NDST4: variants seen among roughly 807,000 people sequenced by gnomAD.
The protein encoded by NDST4 is N-deacetylase and N-sulfotransferase 4, also known as N-heparan sulfate sulfotransferase 4.
In NDST4, 63 loss-of-function variants were observed where a neutral mutation model predicts 100.8. The observed-to-expected ratio is 0.62, with a 90% CI of 0.51 to 0.77. The LOEUF is 0.77. Ranked by LOEUF, NDST4 falls within the 30% of genes least tolerant of loss-of-function variation. NDST4 has a pLI of 0.00. For synonymous variants in NDST4, 377 were observed against 361.8 expected (o/e 1.04, Z -0.48); for missense variants, 943 against 1,018.4 (o/e 0.93, Z 1.01).
At chr4:114,940,991 A>G (rs951529801) in intron 4 of NDST4, among the ~76,000 whole-genome samples, 31 of 152,104 alleles carry the variant, frequency 2.0e-4, no homozygotes, top group African/African-American at 7.0e-4. Context: ...CCAAAAAGCA[A>G]CATTCAAGTG....
intron 2 of NDST4, among the ~76,000 whole-genome samples, chr4:115,018,461 A>T: frequency 6.6e-6 from 1 of 151,902 alleles, no homozygotes; most frequent in Non-Finnish European, 1.5e-5. Flanking sequence ...TTTTCTTTGC[A>T]AACAATCTTA....
chr4:115,039,662 T>C (rs1363624788), intron 2 of NDST4, among the ~76,000 whole-genome samples: 1 of 152,094 alleles, frequency 6.6e-6, no homozygotes, highest in Non-Finnish European at 1.5e-5. Flanking sequence ...CCATGTCCCA[T>C]GTCTCTCTAT....
intron 11 of NDST4, among the ~76,000 whole-genome samples, chr4:114,838,599 A>G (rs989524544): frequency 1.3e-5 from 2 of 152,134 alleles, no homozygotes; most frequent in African/African-American, 4.8e-5. Flanking sequence ...GTTCTCACTC[A>G]TAAGTGGGAG....
intron 4 of NDST4, among the ~76,000 whole-genome samples, chr4:114,949,219 TTAAAATATTAAA>T (rs1725935945): frequency 6.6e-6 from 1 of 151,944 alleles, no homozygotes; most frequent in Non-Finnish European, 1.5e-5. Flanking sequence ...TTAGAAAGTA[TTAAAATATTAAA>T]TTTTAGGATA....
chr4:114,857,204 A>C (rs1723816388), intron 7 of NDST4, among the ~76,000 whole-genome samples: 1 of 152,216 alleles, frequency 6.6e-6, no homozygotes, highest in Non-Finnish European at 1.5e-5. Context: ...ATACTATCTG[A>C]ATCATATTAC....
At chr4:114,920,476 C>T (rs1725265246) in intron 6 of NDST4, among the ~76,000 whole-genome samples, 1 of 152,070 alleles carries the variant, frequency 6.6e-6, no homozygotes, top group Non-Finnish European at 1.5e-5. Context: ...ATAACAGCTT[C>T]AAAAAGGAGT....
At chr4:115,107,278 T>C (rs1389534498) in intron 1 of NDST4, among the ~76,000 whole-genome samples, 1 of 152,126 alleles carries the variant, frequency 6.6e-6, no homozygotes, top group Admixed American at 6.6e-5. Flanking sequence ...CTTAGAAATA[T>C]AAAGAATAGA....
At chr4:114,853,876 A>G (rs1320913981) in intron 7 of NDST4, among the ~76,000 whole-genome samples, 1 of 152,148 alleles carries the variant, frequency 6.6e-6, no homozygotes, top group Non-Finnish European at 1.5e-5. Flanking sequence ...AATACATCAG[A>G]TATTTTGATA....
At position 115,080,822 on chromosome 4, in the gene NDST4, T is replaced by C. The variant is rs138050421; in HGVS notation, c.-246-3540A>G. Among the ~76,000 whole-genome samples the C allele has an allele frequency of 9.7e-4, 147 of 152,042 alleles. 3 individuals are homozygous for C. The East Asian group carries it at 0.023, about 24-fold the overall frequency. ...TAATTTAAAAATCTATTTAAACAAA[T>C]GTAAAATCAGACCCACCCCATCCAC... On this transcript the variant is annotated intron_variant, in intron 1 of 13. Coordinates refer to ENST00000264363, the MANE Select transcript of NDST4 (RefSeq NM_022569.3).
intron 2 of NDST4, among the ~76,000 whole-genome samples, chr4:114,987,828 A>G (rs895351283): frequency 2.0e-5 from 3 of 152,200 alleles, no homozygotes; most frequent in African/African-American, 7.2e-5. Context: ...TGGTTTGCTT[A>G]TTTAGGAAAA....
chr4:114,920,546 T>G (rs1005688665), intron 6 of NDST4, among the ~76,000 whole-genome samples: 1 of 152,206 alleles, frequency 6.6e-6, no homozygotes, highest in Admixed American at 6.5e-5. Context: ...TTAAATTGTG[T>G]TAGAAGTGGC....
intron 2 of NDST4, among the ~76,000 whole-genome samples, chr4:114,991,476 GAAC>G (rs1727038088): frequency 6.6e-6 from 1 of 151,950 alleles, no homozygotes; most frequent in Non-Finnish European, 1.5e-5. Context: ...ATATTTTGAA[GAAC>G]TATTTTTTAA....
chr4:114,922,542 T>C (rs1021847892), intron 6 of NDST4, among the ~76,000 whole-genome samples: 2 of 152,152 alleles, frequency 1.3e-5, no homozygotes, highest in African/African-American at 2.4e-5. Flanking sequence ...CCAAGTGTAA[T>C]TTACTTCCTT....
intron 6 of NDST4, among the ~76,000 whole-genome samples, chr4:114,895,939 A>G (rs1560800439): frequency 1.3e-5 from 2 of 152,160 alleles, no homozygotes; most frequent in Non-Finnish European, 2.9e-5. Flanking sequence ...AAAGACAAAA[A>G]CAACATGCTT....
chr4:115,071,263 T>G (rs1729071369), intron 2 of NDST4, among the ~76,000 whole-genome samples: 1 of 148,352 alleles, frequency 6.7e-6, no homozygotes, highest in South Asian at 2.1e-4. Flanking sequence ...TTGGTTCAAA[T>G]GAAAGTATGC....
chr4:114,936,503 G>A (rs544560578), intron 5 of NDST4, among the ~76,000 whole-genome samples: 8 of 152,138 alleles, frequency 5.3e-5, no homozygotes, highest in Non-Finnish European at 1.2e-4. Context: ...AATTAGGAAG[G>A]TGTAAATATT....
chr4:114,875,033 C>T (rs1332283236), intron 6 of NDST4, among the ~76,000 whole-genome samples: 1 of 152,072 alleles, frequency 6.6e-6, no homozygotes, highest in Non-Finnish European at 1.5e-5. Flanking sequence ...TTGATTCAAA[C>T]AAGCAGAGCT....
At chr4:114,869,284 G>A (rs1291168875) in intron 7 of NDST4, among the ~76,000 whole-genome samples, 1 of 151,668 alleles carries the variant, frequency 6.6e-6, no homozygotes, top group African/African-American at 2.4e-5. Flanking sequence ...ACAGATAGAG[G>A]AAGAGTAGCG....
intron 7 of NDST4, among the ~76,000 whole-genome samples, chr4:114,856,693 T>A (rs1723800726): frequency 6.6e-6 from 1 of 152,178 alleles, no homozygotes; most frequent in African/African-American, 2.4e-5. Flanking sequence ...ACCCTGGCAT[T>A]CTGCAGAACC....
Sources: gnomAD v4.1 joint callset for allele counts (sites outside exome capture counted in the v4.1 genomes callset) on GRCh38, gnomAD v4.1.1 for gene constraint, MANE v1.5 for transcripts, NCBI Gene and HGNC (gene_info 2026-07-23, HGNC 2026-07-21) for gene names.